The following GRID1 variants were observed in gnomAD, a reference collection of about 807,000 sequenced individuals.
GRID1 encodes the protein glutamate receptor ionotropic, delta-1.
In GRID1, 28 loss-of-function variants were observed where a neutral mutation model predicts 98.0. The observed-to-expected ratio is 0.29, with a 90% confidence interval of 0.21 to 0.39. The LOEUF (loss-of-function observed/expected upper bound fraction) is 0.39. GRID1 is among the 10% of genes least tolerant of loss of function. GRID1 has a pLI of 1.00. For missense variants in GRID1, 1,111 were observed against 1,340.5 expected (o/e 0.83, Z 2.67); for synonymous variants, 553 against 538.5 (o/e 1.03, Z -0.37).
rs757541252 is a variant in GRID1, at chr10:86,365,080, G to A, written c.80-984C>T. Among the ~76,000 whole-genome samples, 1 of 152,148 alleles carries A rather than the reference G, an allele frequency of 6.6e-6. No homozygotes were observed. Among genetic ancestry groups the A allele is most frequent in the African/African-American group, 2.4e-5 (1 of 41,444 alleles). ...GATCCCTCGAGCTGGGGGCTGGGTA[G>A]GAGGAGGGAGGCCCGGATTCCTCAC... On this transcript the variant is annotated intron_variant, in intron 1 of 15. Transcript: ENST00000327946. This position sits in a 1 kb window ranked among gnomAD's most constrained non-coding sequence, Gnocchi z 4.8.
intron 4 of GRID1, among the ~76,000 whole-genome samples, chr10:85,923,759 G>A (rs537552718): frequency 2.6e-5 from 4 of 152,296 alleles, no homozygotes; most frequent in East Asian, 3.9e-4. Context: ...AAGAAAAGAC[G>A]AAACTCAATC....
intron 8 of GRID1, among the ~76,000 whole-genome samples, chr10:85,747,214 T>C (rs188824876): frequency 6.6e-6 from 1 of 152,258 alleles, no homozygotes; most frequent in Admixed American, 6.5e-5. Flanking sequence ...CATGGGGTTT[T>C]CCTCACAAAA....
Position 86,365,937 on chromosome 10 carries a change from C to T in GRID1, c.79+377G>A, listed in dbSNP as rs545120070. Among the ~76,000 whole-genome samples, 1 of 152,068 alleles carries T rather than the reference C, an allele frequency of 6.6e-6. No homozygotes were observed. Among genetic ancestry groups the T allele is most frequent in the African/African-American group, 2.4e-5 (1 of 41,430 alleles). ...GATCTTGCCCTGCCAACTTGGCGAG[C>T]CCCCCGCTGTACCTCCCCCTGCCCC... is the stretch of plus-strand genomic sequence containing the variant. On this transcript the variant is annotated intron_variant, in intron 1 of 15. Coordinates refer to ENST00000327946, the MANE Select transcript of GRID1 (RefSeq NM_017551.3). The surrounding 1 kb of genome is among the most constrained non-coding windows in gnomAD (Gnocchi z 4.8).
intron 4 of GRID1, among the ~76,000 whole-genome samples, chr10:86,030,388 A>G (rs1255296795): frequency 6.6e-6 from 1 of 152,262 alleles, no homozygotes; most frequent in Non-Finnish European, 1.5e-5. Context: ...CTAACTACCC[A>G]AATCCAATAC....
intron 4 of GRID1, among the ~76,000 whole-genome samples, chr10:85,984,809 C>A (rs1453965921): frequency 6.6e-6 from 1 of 152,122 alleles, no homozygotes; most frequent in Non-Finnish European, 1.5e-5. Flanking sequence ...GTCCCAGGAG[C>A]AAACCATGGG....
chr10:85,790,078 C>T (rs1336239295), intron 8 of GRID1, among the ~76,000 whole-genome samples: 1 of 152,182 alleles, frequency 6.6e-6, no homozygotes, highest in Non-Finnish European at 1.5e-5. Context: ...ATTCATCCTC[C>T]TCCAGCCAGG....
chr10:85,912,086 C>A (rs1364005472), intron 5 of GRID1, among the ~76,000 whole-genome samples: 1 of 152,180 alleles, frequency 6.6e-6, no homozygotes, highest in Non-Finnish European at 1.5e-5. Flanking sequence ...TTCAAACAAA[C>A]CTTTGAAGAA....
intron 4 of GRID1, among the ~76,000 whole-genome samples, chr10:85,923,809 T>A (rs1406530476): frequency 3.3e-5 from 5 of 152,188 alleles, no homozygotes; most frequent in Middle Eastern, 3.2e-3. Context: ...AAACAACAGC[T>A]AAGCCAGAAG....
chr10:86,194,427 C>T (rs955754534), intron 3 of GRID1, among the ~76,000 whole-genome samples: 24 of 152,024 alleles, frequency 1.6e-4, no homozygotes, highest in African/African-American at 5.3e-4. Context: ...AAACAATGCC[C>T]GGGGCATGGT....
chr10:86,347,121 G>T (rs1848395967), intron 2 of GRID1, among the ~76,000 whole-genome samples: 1 of 127,394 alleles, frequency 7.8e-6, no homozygotes, highest in South Asian at 2.6e-4. Flanking sequence ...CTCAAAGCCT[G>T]GCCCTTCCCC....
At chr10:86,085,463 G>A (rs1365775025) in intron 4 of GRID1, among the ~76,000 whole-genome samples, 1 of 152,212 alleles carries the variant, frequency 6.6e-6, no homozygotes, top group Admixed American at 6.5e-5. Context: ...GAGCACAGCT[G>A]GTTGGGCCGG....
intron 15 of GRID1, among the ~76,000 whole-genome samples, chr10:85,604,506 A>G (rs1842628533): frequency 6.6e-6 from 1 of 152,192 alleles, no homozygotes; most frequent in Non-Finnish European, 1.5e-5. Context: ...AGCTCAGCTC[A>G]TTCGTGCTGG....
At chr10:86,267,153 C>T (rs1847116256) in intron 2 of GRID1, among the ~76,000 whole-genome samples, 1 of 152,240 alleles carries the variant, frequency 6.6e-6, no homozygotes, top group Non-Finnish European at 1.5e-5. Flanking sequence ...TGCCTTCCAA[C>T]TGTTACCTCA....
chr10:85,766,429 T>C (rs183536026), intron 8 of GRID1, among the ~76,000 whole-genome samples: 2 of 152,314 alleles, frequency 1.3e-5, no homozygotes, highest in African/African-American at 4.8e-5. Context: ...GAGGCTGCAT[T>C]GAGCTGTGCT....
chr10:85,905,803 T>A (rs1038884110), intron 5 of GRID1, among the ~76,000 whole-genome samples: 7 of 151,868 alleles, frequency 4.6e-5, no homozygotes, highest in African/African-American at 1.5e-4. Context: ...TCATAAAAAA[T>A]TCGCAATTCA....
intron 2 of GRID1, among the ~76,000 whole-genome samples, chr10:86,337,590 A>T (rs1848241057): frequency 6.6e-6 from 1 of 152,094 alleles, no homozygotes; most frequent in African/African-American, 2.4e-5. Flanking sequence ...TACAGCCACC[A>T]AGGAAGAACT....
chr10:86,158,663 G>A (rs1845279377), intron 3 of GRID1, among the ~76,000 whole-genome samples: 1 of 152,176 alleles, frequency 6.6e-6, no homozygotes, highest in Non-Finnish European at 1.5e-5. Context: ...AAACATGGCT[G>A]AGAGGTTTGT....
At chr10:86,190,869 T>G (rs966388252) in intron 3 of GRID1, among the ~76,000 whole-genome samples, 1 of 151,686 alleles carries the variant, frequency 6.6e-6, no homozygotes, top group Non-Finnish European at 1.5e-5. Context: ...TGCACATGTG[T>G]GCATAGTCGT....
chr10:85,799,517 C>T (rs1842556451), intron 8 of GRID1, among the ~76,000 whole-genome samples: 1 of 152,046 alleles, frequency 6.6e-6, no homozygotes, highest in Admixed American at 6.6e-5. Flanking sequence ...ATACATACAA[C>T]ACAACATAAT....
Sources: gnomAD v4.1 joint callset for allele counts (sites outside exome capture counted in the v4.1 genomes callset) on GRCh38, gnomAD v4.1.1 for gene constraint, Gnocchi (gnomAD v3.1) non-coding constraint, MANE v1.5 for transcripts, NCBI Gene and HGNC (gene_info 2026-07-23, HGNC 2026-07-21) for gene names.